Variants in TF observed in about 807,000 individuals in gnomAD.
TF encodes the protein transferrin, also known as serotransferrin.
TF carries 55 observed loss-of-function variants against 82.4 expected under a neutral mutation model. The observed-to-expected ratio is 0.67, with a 90% confidence interval of 0.54 to 0.84. TF has a LOEUF of 0.84. TF is among the 40% of genes least tolerant of loss of function. The pLI is 0.00. For missense variants in TF, 737 were observed against 868.4 expected (o/e 0.85, Z 1.90); for synonymous variants, 332 against 332.6 (o/e 1.00, Z 0.02).
the TF span, chr3:133,664,982 C>T: frequency 1.3e-5 from 2 of 152,092 alleles, no homozygotes; most frequent in African/African-American, 4.8e-5. Flanking sequence ...CAGAGATAAG[C>T]ATTGCCCATG....
Position 133,778,705 on chromosome 3 carries a change from G to A in TF, c.*85G>A. ...TGCCCTGGTTTCACTGGCCCAAGTG[G>A]TTTGTGCTAACCACGTCTGTCTTCA... is the stretch of plus-strand genomic sequence containing the variant. On this transcript the variant is annotated 3_prime_UTR_variant, in exon 17 of 17. Transcript: ENST00000402696. The A allele has an allele frequency of 1.4e-6, 2 of 1,472,916 alleles. No individual in the cohort carries two copies. The highest frequency in any genetic ancestry group is 1.9e-6 in the Non-Finnish European group (2 of 1,059,804). 91.2% of individuals were successfully genotyped at this position (1,472,916 alleles called of 1,614,324 possible).
chr3:133,715,263 T>C, the TF span, among the ~76,000 whole-genome samples: 1 of 152,184 alleles, frequency 6.6e-6, no homozygotes, highest in Non-Finnish European at 1.5e-5. Context: ...CCACCTTTCA[T>C]ACCTTTGTTT....
intron 15 of TF, among the ~76,000 whole-genome samples, chr3:133,776,182 G>A (rs1173487854): frequency 6.6e-6 from 1 of 152,178 alleles, no homozygotes; most frequent in Non-Finnish European, 1.5e-5. Context: ...CTGTTTCCCA[G>A]CGCTTGTTGA....
chr3:133,733,997 A>G, the TF span, among the ~76,000 whole-genome samples: 1 of 152,216 alleles, frequency 6.6e-6, no homozygotes, highest in Non-Finnish European at 1.5e-5. Context: ...GTACAAGAGA[A>G]ATGAGCAAAG....
chr3:133,713,169 T>A, the TF span, among the ~76,000 whole-genome samples: 1 of 152,226 alleles, frequency 6.6e-6, no homozygotes, highest in South Asian at 2.1e-4. Flanking sequence ...ACCTCACTTC[T>A]TACACTTGGC....
chr3:133,744,566 C>T (rs117931190), upstream of TF, among the ~76,000 whole-genome samples: 214 of 152,310 alleles, frequency 1.4e-3, 4 homozygotes, highest in East Asian at 0.031. Flanking sequence ...GAATATGGCC[C>T]TCATGCTAAC....
At chr3:133,766,776 C>G (rs1934137586) in intron 12 of TF, among the ~76,000 whole-genome samples, 1 of 152,174 alleles carries the variant, frequency 6.6e-6, no homozygotes, top group Non-Finnish European at 1.5e-5. Context: ...CTATTCTGAG[C>G]ATAAGACTTC....
chr3:133,743,045 C>G (rs1196915897), upstream of TF, among the ~76,000 whole-genome samples: 3 of 152,070 alleles, frequency 2.0e-5, no homozygotes, highest in Non-Finnish European at 4.4e-5. Flanking sequence ...TTTCCTCCCC[C>G]ACTAAATAAA....
chr3:133,759,545 T>C (rs1324629423), intron 9 of TF, among the ~76,000 whole-genome samples: 1 of 151,968 alleles, frequency 6.6e-6, no homozygotes, highest in Admixed American at 6.5e-5. Flanking sequence ...CTTGTATGAG[T>C]GTATGGTGAA....
chr3:133,683,734 C>T, the TF span, among the ~76,000 whole-genome samples: 1 of 152,202 alleles, frequency 6.6e-6, no homozygotes, highest in Non-Finnish European at 1.5e-5. Context: ...GAGACTTAGA[C>T]TCCCACACAA....
rs1304875617 is a variant in TF, at chr3:133,785,396, TG to T, written c.*6781del. 3.3e-5 allele frequency: 3 copies of T among 90,090 alleles called. No homozygotes were observed. Among genetic ancestry groups the T allele is most frequent in the Non-Finnish European group, 4.5e-5 (2 of 44,380 alleles). The allele number at this position is 90,090 out of a possible 1,614,324, so 5.6% of individuals were successfully genotyped here. ...CCAGCCGCCCTGTCCGGGAGGGAGGTGGGGGTGTCAGCCCCACGCCCGGCCA... is the reference window on the plus strand; with the variant it reads ...CCAGCCGCCCTGTCCGGGAGGGAGGTGGGGTGTCAGCCCCACGCCCGGCCA... On this transcript the variant is annotated 3_prime_UTR_variant, in exon 17 of 17. Transcript: ENST00000402696.
At position 133,764,279 on chromosome 3, in the gene TF, A is replaced by G; in HGVS notation, c.1297+4A>G. On this transcript the variant is annotated splice_donor_region_variant and intron_variant, in intron 10 of 16. Transcript: ENST00000402696. ...GTCTTGGCAGAAAACTACAATAGTA[A>G]GTGGTGGGGAGCACCTCTCTGTGTT... The G allele has an allele frequency of 6.2e-7, 1 of 1,611,224 alleles. No individual in the cohort carries two copies. Among genetic ancestry groups the G allele is most frequent in the East Asian group, 2.2e-5 (1 of 44,858 alleles).
intron 16 of TF, 160 bp downstream of exon 16, chr3:133,777,398 G>A: frequency 8.6e-6 from 6 of 695,078 alleles, no homozygotes; most frequent in African/African-American, 1.8e-5. Flanking sequence ...ATGTATGACA[G>A]GCTAGACTGT....
rs190753103 is a variant in TF, at chr3:133,792,900, C to T, written c.*14280C>T. The stretch of plus-strand genomic sequence containing the variant: ...CATAAATTGAACATCAAAATAAAAG[C>T]ACAAACAGGGTTTTCTTAAAGCACC... On this transcript the variant is annotated 3_prime_UTR_variant, in exon 17 of 17. Coordinates refer to ENST00000402696, the MANE Select transcript of TF (RefSeq NM_001063.4). 2.0e-5 allele frequency: 3 copies of T among 152,156 alleles called. No homozygotes were observed. Among genetic ancestry groups the T allele is most frequent in the Non-Finnish European group, 2.9e-5 (2 of 67,986 alleles). 9.4% of individuals were successfully genotyped at this position (152,156 alleles called of 1,614,324 possible).
At chr3:133,704,150 G>C in the TF span, 1 of 183,842 alleles carries the variant, frequency 5.4e-6, no homozygotes, top group Non-Finnish European at 1.2e-5. Flanking sequence ...CATGAAGCCA[G>C]TGAAATGAGA....
the TF span, among the ~76,000 whole-genome samples, chr3:133,718,485 C>A: frequency 6.6e-6 from 1 of 152,078 alleles, no homozygotes; most frequent in African/African-American, 2.4e-5. Flanking sequence ...GAAGCAGGAG[C>A]ACAGGTCAGT....
intron 4 of TF, among the ~76,000 whole-genome samples, 197 bp from the exon 5 acceptor site, chr3:133,755,166 A>T (rs946381390): frequency 1.3e-5 from 2 of 152,216 alleles, no homozygotes; most frequent in Non-Finnish European, 2.9e-5. Flanking sequence ...CCTCTGATGG[A>T]TGGTGGCCAG....
At chr3:133,677,164 C>A in the TF span, among the ~76,000 whole-genome samples, 5 of 152,228 alleles carry the variant, frequency 3.3e-5, no homozygotes, top group Non-Finnish European at 7.3e-5. Context: ...TGCTTAAGAA[C>A]TTTCTCTATT....
At chr3:133,727,876 C>T in the TF span, among the ~76,000 whole-genome samples, 116 of 149,400 alleles carry the variant, frequency 7.8e-4, no homozygotes, top group Non-Finnish European at 7.3e-4. Flanking sequence ...TCAGCATTTG[C>T]TTGTCTGTAA....
Sources: allele counts gnomAD v4.1 joint callset (sites outside exome capture counted in the v4.1 genomes callset), GRCh38; gene constraint gnomAD v4.1.1; transcripts MANE v1.5; gene names NCBI Gene and HGNC (gene_info 2026-07-23, HGNC 2026-07-21).